The following IL1RAPL1 variants were observed in gnomAD, a reference collection of about 807,000 sequenced individuals.
IL1RAPL1 encodes the protein interleukin 1 receptor accessory protein like 1.
A neutral mutation model predicts 48.4 loss-of-function variants in IL1RAPL1; 3 were observed. The ratio of observed to expected loss-of-function variants is 0.06; its 90% CI spans 0.03 to 0.16. IL1RAPL1 has a LOEUF of 0.16. Ranked by LOEUF, IL1RAPL1 falls within the 10% of genes least tolerant of loss-of-function variation. The pLI, the probability that IL1RAPL1 is intolerant of heterozygous loss-of-function variation, is 1.00. For missense variants in IL1RAPL1, 349 were observed against 530.6 expected (o/e 0.66, Z 3.36); for synonymous variants, 185 against 187.7 (o/e 0.99, Z 0.12).
intron 2 of IL1RAPL1, among the ~76,000 whole-genome samples, chrX:28,979,323 A>G: frequency 8.9e-6 from 1 of 112,233 alleles, no homozygotes; most frequent in Middle Eastern, 4.6e-3. Context: ...GAACAATGCA[A>G]CAATGTTAAT....
intron 5 of IL1RAPL1, among the ~76,000 whole-genome samples, chrX:29,622,782 A>G (rs1392859588): frequency 9.0e-6 from 1 of 111,675 alleles, no homozygotes; most frequent in African/African-American, 3.3e-5. Context: ...AAAATGACAT[A>G]TATTGTACTA....
At chrX:28,842,145 T>A (rs1410999832) in intron 2 of IL1RAPL1, among the ~76,000 whole-genome samples, 2 of 110,597 alleles carry the variant, frequency 1.8e-5, no homozygotes, top group African/African-American at 3.3e-5. Context: ...TAGCCATAAT[T>A]TGGAACCTAA....
At chrX:29,282,459 G>A (rs2147599573) in intron 2 of IL1RAPL1, among the ~76,000 whole-genome samples, 1 of 112,186 alleles carries the variant, frequency 8.9e-6, no homozygotes, top group Admixed American at 9.5e-5. Context: ...CACTGTAGGA[G>A]CCAGGTGCTG....
intron 5 of IL1RAPL1, among the ~76,000 whole-genome samples, chrX:29,584,425 T>A (rs1923086255): frequency 9.0e-6 from 1 of 111,499 alleles, no homozygotes; most frequent in African/African-American, 3.3e-5. Flanking sequence ...ATGCCTAAAA[T>A]TTCTTCAATT....
At chrX:29,922,437 C>A (rs1262386642) in intron 8 of IL1RAPL1, among the ~76,000 whole-genome samples, 1 of 111,718 alleles carries the variant, frequency 9.0e-6, no homozygotes, top group African/African-American at 3.3e-5. Context: ...AAAAAAGGTC[C>A]TTCCAAGACA....
intron 6 of IL1RAPL1, among the ~76,000 whole-genome samples, chrX:29,711,043 G>GGTGTGTGTGTGTGT (rs768108356): frequency 4.3e-5 from 3 of 69,157 alleles, no homozygotes; most frequent in Admixed American, 3.7e-4. Flanking sequence ...CCATGAGCAT[G>GGTGTGTGTGTGTGT]GTGTGTGTGT....
intron 2 of IL1RAPL1, among the ~76,000 whole-genome samples, chrX:29,076,368 C>A (rs755661500): frequency 8.9e-6 from 1 of 111,947 alleles, no homozygotes; most frequent in Admixed American, 9.5e-5. Context: ...GTATACCTAC[C>A]TCCAAACAGT....
intron 5 of IL1RAPL1, among the ~76,000 whole-genome samples, chrX:29,614,983 TTACAA>T (rs1332402473): frequency 2.7e-5 from 3 of 111,046 alleles, no homozygotes; most frequent in African/African-American, 9.8e-5. Context: ...AAAAAAATCT[TTACAA>T]TAATATAATT....
intron 6 of IL1RAPL1, among the ~76,000 whole-genome samples, chrX:29,909,552 T>C (rs1376898554): frequency 9.0e-6 from 1 of 110,901 alleles, no homozygotes; most frequent in Non-Finnish European, 1.9e-5. Context: ...CCACAAAAAA[T>C]AAAATAAAAT....
intron 5 of IL1RAPL1, among the ~76,000 whole-genome samples, chrX:29,642,508 C>G (rs1383357708): frequency 4.4e-5 from 5 of 112,442 alleles, no homozygotes; most frequent in African/African-American, 1.3e-4. Flanking sequence ...AATTACCTGT[C>G]CTTTTCATTA....
chrX:28,630,354 C>T (rs1934385865), intron 1 of IL1RAPL1, among the ~76,000 whole-genome samples: 1 of 111,880 alleles, frequency 8.9e-6, no homozygotes, highest in African/African-American at 3.2e-5. Context: ...AATCAGGACA[C>T]TTCTGTTCAG....
chrX:29,416,125 T>C (rs751684742), intron 5 of IL1RAPL1, among the ~76,000 whole-genome samples: 1 of 112,077 alleles, frequency 8.9e-6, no homozygotes, highest in Non-Finnish European at 1.9e-5. Context: ...TCTTCTTTCC[T>C]AGACACCAGA....
At chrX:28,994,351 A>G (rs868556162) in intron 2 of IL1RAPL1, among the ~76,000 whole-genome samples, 1 of 111,810 alleles carries the variant, frequency 8.9e-6, no homozygotes, top group Middle Eastern at 4.2e-3. Flanking sequence ...TTGTATGCTT[A>G]TTTCAAAGAC....
intron 5 of IL1RAPL1, among the ~76,000 whole-genome samples, chrX:29,637,857 A>G (rs1925023981): frequency 8.9e-6 from 1 of 112,432 alleles, no homozygotes; most frequent in African/African-American, 3.2e-5. Flanking sequence ...AATGGTGTAC[A>G]TAGAAACACT....
intron 1 of IL1RAPL1, among the ~76,000 whole-genome samples, chrX:28,684,296 A>ATT (rs1935090598): frequency 8.9e-6 from 1 of 112,014 alleles, no homozygotes; most frequent in Non-Finnish European, 1.9e-5. Flanking sequence ...TTCAGAACAA[A>ATT]TAGTGGTCTT....
At chrX:29,702,311 G>A (rs1927075015) in intron 6 of IL1RAPL1, among the ~76,000 whole-genome samples, 1 of 109,490 alleles carries the variant, frequency 9.1e-6, no homozygotes, top group African/African-American at 3.3e-5. Flanking sequence ...GGTCCTTAGA[G>A]ATGCTAGTTC....
intron 5 of IL1RAPL1, among the ~76,000 whole-genome samples, chrX:29,470,532 G>A (rs760906347): frequency 9.0e-6 from 1 of 111,056 alleles, no homozygotes; most frequent in South Asian, 3.8e-4. Context: ...TCATAACCAA[G>A]CATCTTTTTT....
intron 5 of IL1RAPL1, among the ~76,000 whole-genome samples, chrX:29,496,925 G>A (rs1935220752): frequency 8.9e-6 from 1 of 112,170 alleles, no homozygotes; most frequent in Admixed American, 9.4e-5. Context: ...AATGCAAACA[G>A]TATTCTATTT....
chrX:28,789,333 A>C lies in IL1RAPL1; in HGVS notation c.-11A>C. On this transcript the variant is annotated 5_prime_UTR_variant, in exon 2 of 11. Transcript: ENST00000378993. ...TCTTTGCTTTAGGGAACGGCCTTTA[A>C]GAGCTGGAAGATGAAAGCTCCGATT... 1 of 1,187,483 alleles carries C rather than the reference A, an allele frequency of 8.4e-7. No homozygotes were observed. The highest frequency in any genetic ancestry group is 1.1e-6 in the Non-Finnish European group (1 of 873,456).
Sources: allele counts gnomAD v4.1 joint callset (sites outside exome capture counted in the v4.1 genomes callset), GRCh38; gene constraint gnomAD v4.1.1; transcripts MANE v1.5; gene names NCBI Gene and HGNC (gene_info 2026-07-23, HGNC 2026-07-21).